TNRC6A: variants seen among roughly 807,000 people sequenced by gnomAD.
TNRC6A encodes the protein trinucleotide repeat containing adaptor 6A.
Under a neutral mutation model 221.2 loss-of-function variants are expected in TNRC6A, and 44 were observed. The observed-to-expected ratio is 0.20, with a 90% CI of 0.16 to 0.26. The LOEUF is 0.26. Ranked by LOEUF, TNRC6A falls within the 10% of genes least tolerant of loss-of-function variation. The pLI, the probability that TNRC6A is intolerant of heterozygous loss-of-function variation, is 1.00. For missense variants in TNRC6A, 2,199 were observed against 2,404.4 expected (o/e 0.91, Z 1.79); for synonymous variants, 847 against 838.5 (o/e 1.01, Z -0.18).
At chr16:24,720,126 C>T (rs945680986) in intron 2 of TNRC6A, among the ~76,000 whole-genome samples, 11 of 152,128 alleles carry the variant, frequency 7.2e-5, no homozygotes, top group African/African-American at 1.2e-4. Context: ...GGCTTTAAAT[C>T]GAGAGCCCTG....
At chr16:24,619,911 G>A (rs1900576080) in intron 1 of TNRC6A, among the ~76,000 whole-genome samples, 1 of 152,172 alleles carries the variant, frequency 6.6e-6, no homozygotes, top group African/African-American at 2.4e-5. Flanking sequence ...GGAGGCCAAG[G>A]TGGGCAGATC....
chr16:24,638,601 T>C lies in TNRC6A; in HGVS notation n.277-2283T>C, dbSNP rs964425868. Among the ~76,000 whole-genome samples the C allele has an allele frequency of 4.8e-4, 73 of 151,920 alleles. 1 individual carries two copies. The highest frequency in any genetic ancestry group is 3.4e-3 in the Middle Eastern group (1 of 294). On this transcript the variant is annotated intron_variant and non_coding_transcript_variant, in intron 1 of 2. Coordinates refer to the TNRC6A transcript ENST00000566108. Reference sequence around the variant, plus strand: ...GGTGGCATGTGCCGGTAGTCCCAGCTACTCGGGAGGCTGAGGCAGGAGAAT... The same window carrying C: ...GGTGGCATGTGCCGGTAGTCCCAGCCACTCGGGAGGCTGAGGCAGGAGAAT...
chr16:24,625,606 G>T (rs1318665337), intron 1 of TNRC6A, among the ~76,000 whole-genome samples: 2 of 151,316 alleles, frequency 1.3e-5, no homozygotes, highest in Non-Finnish European at 2.9e-5. Context: ...GGCGCCTGTA[G>T]TCCCAGCTAC....
chr16:24,774,713 G>A (rs1337070873), intron 4 of TNRC6A, among the ~76,000 whole-genome samples: 7 of 152,126 alleles, frequency 4.6e-5, no homozygotes, highest in Non-Finnish European at 5.9e-5. Flanking sequence ...AGCTGAGTAA[G>A]CATTTTTATG....
chr16:24,781,398 C>T (rs946145060), intron 5 of TNRC6A, among the ~76,000 whole-genome samples: 4 of 152,060 alleles, frequency 2.6e-5, no homozygotes, highest in Non-Finnish European at 4.4e-5. Flanking sequence ...AGAATTTCTC[C>T]CTCCCCCCTT....
chr16:24,772,325 T>C (rs949648422), intron 4 of TNRC6A, among the ~76,000 whole-genome samples: 3 of 152,240 alleles, frequency 2.0e-5, no homozygotes, highest in Non-Finnish European at 4.4e-5. Flanking sequence ...ATAATTTAAA[T>C]GCGATTAGAT....
intron 1 of TNRC6A, among the ~76,000 whole-genome samples, chr16:24,611,603 T>C (rs1272105438): frequency 6.6e-6 from 1 of 152,182 alleles, no homozygotes; most frequent in Non-Finnish European, 1.5e-5. Context: ...AGGCATCTCG[T>C]AGAGCTGGCT....
intron 2 of TNRC6A, among the ~76,000 whole-genome samples, chr16:24,737,345 T>G (rs1218838608): frequency 6.6e-6 from 1 of 152,132 alleles, no homozygotes; most frequent in Non-Finnish European, 1.5e-5. Context: ...GACTAAGGCA[T>G]AGCTTCTTTC....
intron 17 of TNRC6A, 40 bp from the exon 18 acceptor site, chr16:24,809,310 T>G: frequency 6.8e-7 from 1 of 1,460,736 alleles, no homozygotes; most frequent in Non-Finnish European, 9.1e-7. Flanking sequence ...GAAAATGTGC[T>G]GTATTTTCTA....
At chr16:24,765,928 G>A (rs2057462833) in intron 4 of TNRC6A, among the ~76,000 whole-genome samples, 1 of 152,128 alleles carries the variant, frequency 6.6e-6, no homozygotes, top group African/African-American at 2.4e-5. Context: ...TTGGCTTTAG[G>A]CAAGGATTAT....
At chr16:24,737,574 A>G (rs1291111250) in intron 2 of TNRC6A, among the ~76,000 whole-genome samples, 2 of 152,226 alleles carry the variant, frequency 1.3e-5, no homozygotes, top group African/African-American at 4.8e-5. Context: ...TTCAAATGGA[A>G]TGTTCAAAAC....
intron 2 of TNRC6A, among the ~76,000 whole-genome samples, chr16:24,711,941 A>G (rs917184765): frequency 6.6e-6 from 1 of 151,992 alleles, no homozygotes; most frequent in African/African-American, 2.4e-5. Flanking sequence ...GATTACAGGG[A>G]TGAGCTGCTA....
rs980335689 is a variant in TNRC6A at position 24,641,853 on chromosome 16, A to G, written n.402+844A>G. On this transcript the variant is annotated intron_variant and non_coding_transcript_variant, in intron 2 of 2. Transcript: ENST00000566108. ...TTGGAATACATCAAGTGAATTAAAC[A>G]AACAAATGCCATTGAACTCCTAAAA... is the stretch of plus-strand genomic sequence containing the variant. Among the ~76,000 whole-genome samples the G allele has an allele frequency of 2.0e-5, 3 of 152,236 alleles. No homozygotes were observed. The East Asian group carries it at 5.8e-4, about 29-fold the overall frequency.
At chr16:24,620,811 C>T (rs772996509) in intron 1 of TNRC6A, among the ~76,000 whole-genome samples, 2 of 145,426 alleles carry the variant, frequency 1.4e-5, no homozygotes, top group African/African-American at 2.6e-5. Context: ...TCCGGTCAGG[C>T]GCAGTGGCTC....
intron 2 of TNRC6A, among the ~76,000 whole-genome samples, chr16:24,700,954 G>T (rs2055961652): frequency 6.6e-6 from 1 of 152,200 alleles, no homozygotes; most frequent in Non-Finnish European, 1.5e-5. Context: ...CTGACCCAAT[G>T]CAATAAGGCT....
At chr16:24,743,525 A>G (rs2056937503) in intron 2 of TNRC6A, among the ~76,000 whole-genome samples, 1 of 150,576 alleles carries the variant, frequency 6.6e-6, no homozygotes, top group South Asian at 2.1e-4. Context: ...GGGTTTTGCC[A>G]TGTTGCCCAG....
intron 18 of TNRC6A, among the ~76,000 whole-genome samples, chr16:24,812,822 C>G (rs2058574101): frequency 6.7e-6 from 1 of 149,404 alleles, no homozygotes; most frequent in Non-Finnish European, 1.5e-5. Context: ...GTAACTTAAC[C>G]TTTCTGAACT....
At chr16:24,794,244 T>C (rs1567488837) in intron 7 of TNRC6A, among the ~76,000 whole-genome samples, 1 of 152,230 alleles carries the variant, frequency 6.6e-6, no homozygotes, top group Non-Finnish European at 1.5e-5. Context: ...TGTGCATCAC[T>C]ATGCAGATTA....
rs990932723 is a variant in TNRC6A at position 24,729,713 on chromosome 16, G to GGCGGCA, written c.-124_-119dup. 2.7e-4 allele frequency: 305 copies of GGCGGCA among 1,117,354 alleles called. 1 individual carries two copies. Among genetic ancestry groups the GGCGGCA allele is most frequent in the Admixed American group, 1.8e-3 (43 of 23,726 alleles). The allele number at this position is 1,117,354 out of a possible 1,614,324, so 69.2% of individuals were successfully genotyped here. A position where few individuals can be genotyped will look rare whatever the true frequency, so the allele number is the denominator to read the frequency against. On this transcript the variant is annotated 5_prime_UTR_variant, in exon 1 of 25. Transcript: ENST00000395799. ...CGGCGGCGGCGGCGGCGGCGGCGGC[G>GGCGGCA]GCGGCAGCGGGTCGGTGTAGAAAAT...
Sources: gnomAD v4.1 joint callset for allele counts (sites outside exome capture counted in the v4.1 genomes callset) on GRCh38, gnomAD v4.1.1 for gene constraint, MANE v1.5 for transcripts, NCBI Gene and HGNC (gene_info 2026-07-23, HGNC 2026-07-21) for gene names.